The following ECH1 variants were observed in gnomAD, a reference collection of about 807,000 sequenced individuals.
ECH1 encodes delta(3,5)-Delta(2,4)-dienoyl-CoA isomerase, mitochondrial.
Under a neutral mutation model 37.0 loss-of-function variants are expected in ECH1, and 30 were observed. That is an observed-to-expected ratio of 0.81 (90% CI 0.61 to 1.10). The LOEUF (loss-of-function observed/expected upper bound fraction) is 1.10, where lower values mean the gene tolerates loss of function less well. ECH1 is among the 50% of genes least tolerant of loss of function. The pLI, the probability that ECH1 is intolerant of heterozygous loss-of-function variation, is 0.00. For missense variants in ECH1, 456 were observed against 441.6 expected, an observed-to-expected ratio of 1.03 and a Z score of -0.29; for synonymous variants, 178 against 176.0, an observed-to-expected ratio of 1.01 and a Z score of -0.09.
intron 3 of ECH1, among the ~76,000 whole-genome samples, chr19:38,829,719 G>C (rs1333993579): frequency 1.3e-5 from 2 of 150,958 alleles, no homozygotes; most frequent in Non-Finnish European, 2.9e-5. Flanking sequence ...GGGAGGCTGA[G>C]GCAGAAGAAT....
intron 3 of ECH1, among the ~76,000 whole-genome samples, chr19:38,822,331 A>G (rs1372826693): frequency 6.6e-6 from 1 of 151,456 alleles, no homozygotes; most frequent in Admixed American, 6.6e-5. Flanking sequence ...TATCTAGCTA[A>G]TCTGGTGGGG....
intron 3 of ECH1, among the ~76,000 whole-genome samples, chr19:38,828,028 T>C (rs928534862): frequency 6.6e-6 from 1 of 151,932 alleles, no homozygotes; most frequent in Admixed American, 6.6e-5. Flanking sequence ...CTGGGCAACA[T>C]AGCAAGACCT....
At chr19:38,819,762 A>G (rs1971634627) in intron 3 of ECH1, among the ~76,000 whole-genome samples, 1 of 152,054 alleles carries the variant, frequency 6.6e-6, no homozygotes, top group Non-Finnish European at 1.5e-5. Flanking sequence ...CCTGGGCAAC[A>G]TTGCAAGACC....
chr19:38,831,393 C>T lies in ECH1; in HGVS notation c.176G>A (p.Arg59His), dbSNP rs758381658. 1.2e-6 allele frequency: 2 copies of T among 1,614,018 alleles called. No homozygotes were observed. Among genetic ancestry groups the T allele is most frequent in the Admixed American group, 1.7e-5 (1 of 60,006 alleles). Reference sequence around the variant, plus strand: ...AACATGTTTCTGCGCAGACGTCACACGAAGGGACTCATAGCTGTGGTCTGG... The same window carrying T: ...AACATGTTTCTGCGCAGACGTCACATGAAGGGACTCATAGCTGTGGTCTGG... ...EAPDHSYESL[R>H]VTSAQKHVLH... Residue 59 changes from arginine to histidine, a missense_variant, in exon 2 of 10, where the codon CGT becomes CAT. Arg to His is a conservative substitution (Grantham distance 29). Coordinates refer to ENST00000221418, the MANE Select transcript of ECH1 (RefSeq NM_001398.3).
Position 38,831,701 on chromosome 19 carries a change from T to C in ECH1, c.52+20A>G. 6.2e-7 allele frequency: 1 copy of C among 1,613,616 alleles called. No homozygotes were observed. The highest frequency in any genetic ancestry group is 8.5e-7 in the Non-Finnish European group (1 of 1,179,854). The stretch of plus-strand genomic sequence containing the variant: ...AGCACGACAGCGCGACGCACCCCCA[T>C]AAGGCAAGAGGTGACTCACGCCGGG... On this transcript the variant is annotated intron_variant, in intron 1 of 9. Coordinates refer to ENST00000221418, the MANE Select transcript of ECH1 (RefSeq NM_001398.3).
intron 3 of ECH1, among the ~76,000 whole-genome samples, chr19:38,824,475 GA>G (rs1330773932): frequency 2.6e-5 from 4 of 152,100 alleles, no homozygotes; most frequent in Non-Finnish European, 5.9e-5. Flanking sequence ...GCTCACCCTT[GA>G]AATGCATCCT....
intron 3 of ECH1, among the ~76,000 whole-genome samples, chr19:38,824,915 G>T (rs1833597385): frequency 1.3e-5 from 2 of 152,156 alleles, no homozygotes; most frequent in African/African-American, 2.4e-5. Context: ...AGCTGTAGGG[G>T]GAGGGGAATT....
At chr19:38,827,675 G>T (rs1971758983) in intron 3 of ECH1, among the ~76,000 whole-genome samples, 1 of 152,080 alleles carries the variant, frequency 6.6e-6, no homozygotes, top group Admixed American at 6.5e-5. Flanking sequence ...TTTTGTTGTT[G>T]TTTTTGTTTT....
rs768943807 is a variant in ECH1, at chr19:38,815,990, T to C, written c.749A>G (p.Lys250Arg). 1 of 1,613,344 alleles carries C rather than the reference T, an allele frequency of 6.2e-7. No homozygotes were observed. Among genetic ancestry groups the C allele is most frequent in the Non-Finnish European group, 8.5e-7 (1 of 1,179,994 alleles). ...SGLVSRVFPD[K>R]EVMLDAALAL... ...TAAGGCAGCATCCAGCATGACCTCT[T>C]TGTCTGGGAACACCCGGCTGCAGTG... Residue 250 changes from lysine to arginine, a missense_variant, in exon 9 of 10, where the codon AAA becomes AGA. Lys to Arg is a conservative substitution (Grantham distance 26). Transcript: ENST00000221418.
intron 3 of ECH1, chr19:38,820,088 T>C (rs1971640363): frequency 1.9e-6 from 1 of 513,682 alleles, no homozygotes; most frequent in East Asian, 1.7e-4. Context: ...TGAGATGTAG[T>C]CTCACTCTAT....
chr19:38,818,112 C>T (rs1156505286), intron 3 of ECH1: 2 of 638,466 alleles, frequency 3.1e-6, no homozygotes. Context: ...CCCACCTTGG[C>T]ATCCCAAAGC....
intron 3 of ECH1, among the ~76,000 whole-genome samples, chr19:38,821,320 AAGAG>A (rs1346514867): frequency 3.3e-5 from 5 of 152,094 alleles, no homozygotes; most frequent in Non-Finnish European, 4.4e-5. Flanking sequence ...AAATGAAAGA[AAGAG>A]AGAGAGAAGG....
In ECH1 at chr19:38,819,060, C is replaced by T. The variant is rs1460165952; in HGVS notation, c.350-1485G>A. ...GTTGGAGGCTGCGGTCAGCTATGAT[C>T]GCACCACTGCACTCCAGCCTGGGCG... is the stretch of plus-strand genomic sequence containing the variant. On this transcript the variant is annotated intron_variant, in intron 3 of 9. Coordinates refer to ENST00000221418, the MANE Select transcript of ECH1 (RefSeq NM_001398.3). The T allele has an allele frequency of 1.3e-5, 13 of 968,768 alleles. No homozygotes were observed. The South Asian group carries it at 1.4e-4, about 11-fold the overall frequency. 60.0% of individuals were successfully genotyped at this position (968,768 alleles called of 1,614,324 possible).
chr19:38,815,842 G>C lies in ECH1; in HGVS notation c.882+15C>G. 1.2e-6 allele frequency: 2 copies of C among 1,614,152 alleles called. No homozygotes were observed. The highest frequency in any genetic ancestry group is 2.2e-5 in the South Asian group (2 of 91,080). On this transcript the variant is annotated intron_variant, in intron 9 of 9. Coordinates refer to ENST00000221418, the MANE Select transcript of ECH1 (RefSeq NM_001398.3). ...GTTAGAGGAGGGCTGTGATTGGTCG[G>C]AGCGTGCACCTTACCACGTAGTTGA...
At chr19:38,830,138 C>T (rs988500414) in intron 3 of ECH1, among the ~76,000 whole-genome samples, 4 of 152,070 alleles carry the variant, frequency 2.6e-5, no homozygotes, top group African/African-American at 9.7e-5. Flanking sequence ...AGCAAAACTC[C>T]GTCTGAAACA....
At chr19:38,819,599 C>A (rs1244432891) in intron 3 of ECH1, among the ~76,000 whole-genome samples, 1 of 152,056 alleles carries the variant, frequency 6.6e-6, no homozygotes, top group Non-Finnish European at 1.5e-5. Context: ...AATAAATGAT[C>A]AATACAGACA....
At chr19:38,824,106 G>A (rs1231229960) in intron 3 of ECH1, among the ~76,000 whole-genome samples, 2 of 152,200 alleles carry the variant, frequency 1.3e-5, no homozygotes, top group African/African-American at 4.8e-5. Flanking sequence ...GACAAAAGGT[G>A]TCACTCTTCC....
At chr19:38,831,192 C>T (rs1354505859) in intron 2 of ECH1, 26 bp from the exon 3 acceptor site, 6 of 1,613,620 alleles carry the variant, frequency 3.7e-6, no homozygotes, top group Non-Finnish European at 5.1e-6. Flanking sequence ...TGAAGGGTTA[C>T]AAATGGGGCG....
At position 38,815,956 on chromosome 19, in the gene ECH1, C is replaced by T. The variant is rs1971568509; in HGVS notation, c.783G>A (p.Ala261=). Residue 261 remains alanine (A), a synonymous_variant, in exon 9 of 10, where the codon GCG becomes GCA. Transcript: ENST00000221418. ...EVMLDAALAL[A]AEISSKSPVA... ...CGGGGCTCTTGCTGGAAATCTCGGC[C>T]GCCAGCGCTAAGGCAGCATCCAGCA... The T allele has an allele frequency of 1.9e-6, 3 of 1,614,066 alleles. No individual in the cohort carries two copies. The highest frequency in any genetic ancestry group is 1.7e-5 in the Admixed American group (1 of 60,008).
Sources: gnomAD v4.1 joint callset for allele counts (sites outside exome capture counted in the v4.1 genomes callset) on GRCh38, gnomAD v4.1.1 for gene constraint, MANE v1.5 for transcripts, NCBI Gene and HGNC (gene_info 2026-07-23, HGNC 2026-07-21) for gene names.